Variants in SCN11A observed in about 807,000 individuals in gnomAD.
SCN11A encodes the protein sodium channel protein type 11 subunit alpha.
SCN11A carries 122 observed loss-of-function variants against 162.2 expected under a neutral mutation model. The ratio of observed to expected loss-of-function variants is 0.75; its 90% CI spans 0.65 to 0.87. The LOEUF is 0.87. Ranked by LOEUF, SCN11A falls within the 40% of genes least tolerant of loss-of-function variation. SCN11A has a pLI of 0.00. For missense variants in SCN11A, 2,015 were observed against 2,181.6 expected (o/e 0.92, Z 1.52); for synonymous variants, 758 against 751.5 (o/e 1.01, Z -0.14).
At chr3:39,035,668 C>T (rs1244276574) in intron 1 of SCN11A, among the ~76,000 whole-genome samples, 2 of 151,688 alleles carry the variant, frequency 1.3e-5, no homozygotes, top group Non-Finnish European at 2.9e-5. Flanking sequence ...TAGATGGAGT[C>T]TCGCTCTGTT....
chr3:39,027,840 T>C lies in SCN11A; in HGVS notation c.-280+4540A>G, dbSNP rs542802782. 5.9e-5 allele frequency among the ~76,000 whole-genome samples: 9 copies of C among 152,326 alleles called. No individual in the cohort carries two copies. The South Asian group carries it at 1.9e-3, about 32-fold the overall frequency. On this transcript the variant is annotated intron_variant, in intron 2 of 29. Transcript: ENST00000302328. ...TGGGCACTTCTGGGAGCCCCAGCTC[T>C]GTGACCCAGCTTCAAGTCTCCTGAA...
intron 19 of SCN11A, among the ~76,000 whole-genome samples, chr3:38,888,881 C>T (rs942034313): frequency 2.0e-5 from 3 of 152,136 alleles, no homozygotes; most frequent in Non-Finnish European, 4.4e-5. Context: ...ATAGGGCTCC[C>T]TCTACCCTAG....
At chr3:38,899,589 C>T (rs574114821) in intron 17 of SCN11A, among the ~76,000 whole-genome samples, 2 of 152,032 alleles carry the variant, frequency 1.3e-5, no homozygotes, top group Non-Finnish European at 2.9e-5. Context: ...AAAAGAGTGT[C>T]GGAAGGGTTG....
In SCN11A at chr3:38,894,399, C is replaced by T. The variant is rs527546017; in HGVS notation, c.2835+134G>A. The stretch of plus-strand genomic sequence containing the variant: ...TAAAGAACCTGTCCTGAGATGTGCA[C>T]ATGGGTATCAAAGGGCAGCCACGTT... On this transcript the variant is annotated intron_variant, in intron 19 of 29. Transcript: ENST00000302328. 2.3e-5 allele frequency: 17 copies of T among 724,634 alleles called. No individual in the cohort carries two copies. In the South Asian group the frequency reaches 2.9e-4, roughly 13 times the overall value. The allele number at this position is 724,634 out of a possible 1,614,324, so 44.9% of individuals were successfully genotyped here.
At chr3:38,951,069 A>G (rs2066606063) in intron 4 of SCN11A, among the ~76,000 whole-genome samples, 1 of 152,240 alleles carries the variant, frequency 6.6e-6, no homozygotes, top group South Asian at 2.1e-4. Flanking sequence ...GGAGCCCTTC[A>G]GCCCACCGCT....
chr3:38,875,059 C>G (rs1258003820), intron 23 of SCN11A, among the ~76,000 whole-genome samples: 1 of 152,146 alleles, frequency 6.6e-6, no homozygotes, highest in African/African-American at 2.4e-5. Context: ...TTTGCAACAT[C>G]TACCATATTA....
intron 2 of SCN11A, among the ~76,000 whole-genome samples, chr3:38,972,858 A>C (rs2066824689): frequency 6.6e-6 from 1 of 152,204 alleles, no homozygotes; most frequent in Non-Finnish European, 1.5e-5. Context: ...TTTATTAATA[A>C]TCCTGTGGCC....
chr3:38,951,636 G>C (rs963556167), intron 4 of SCN11A, among the ~76,000 whole-genome samples: 1 of 152,240 alleles, frequency 6.6e-6, no homozygotes, highest in Admixed American at 6.5e-5. Flanking sequence ...GGGACGTGGA[G>C]AGTCTTTATA....
At chr3:38,954,201 A>G (rs574998199) in intron 3 of SCN11A, among the ~76,000 whole-genome samples, 1 of 152,326 alleles carries the variant, frequency 6.6e-6, no homozygotes, top group East Asian at 1.9e-4. Flanking sequence ...AATTCCCCGC[A>G]CTATTTCAAT....
rs148175172 is a variant in SCN11A at position 38,970,300 on chromosome 3, C to T, written c.-279-9877G>A. 5.6e-3 allele frequency among the ~76,000 whole-genome samples: 852 copies of T among 152,282 alleles called. 33 individuals carry two copies. Among genetic ancestry groups the T allele is most frequent in the Admixed American group, 0.046 (701 of 15,302 alleles). ...TTTCCAATCTTAAAGATGCCACCCC[C>T]TGTAATTTTTTGCATGCATGCCCTT... On this transcript the variant is annotated intron_variant, in intron 2 of 29. Coordinates refer to ENST00000302328, the MANE Select transcript of SCN11A (RefSeq NM_001349253.2).
chr3:38,956,709 A>G (rs1344546926), intron 3 of SCN11A, among the ~76,000 whole-genome samples: 1 of 152,192 alleles, frequency 6.6e-6, no homozygotes, highest in African/African-American at 2.4e-5. Flanking sequence ...AATTTTCACA[A>G]TCATCCTAAA....
rs2065438114 is a variant in SCN11A at position 38,888,419 on chromosome 3, T to G, written c.2836-2181A>C. On this transcript the variant is annotated intron_variant, in intron 19 of 29. Transcript: ENST00000302328. ...GAATGACAGATCTTCCCACTAAAGA[T>G]GAGCTTTTAAGCTAACATTCCAAAA... 2.0e-5 allele frequency among the ~76,000 whole-genome samples: 3 copies of G among 152,332 alleles called. No individual in the cohort carries two copies. The South Asian group carries it at 6.2e-4, about 32-fold the overall frequency.
chr3:38,943,245 T>A (rs1035253889), intron 7 of SCN11A, among the ~76,000 whole-genome samples: 10 of 152,176 alleles, frequency 6.6e-5, no homozygotes, highest in African/African-American at 2.4e-4. Context: ...ATATGAAATG[T>A]ATACGAAATT....
At position 38,985,674 on chromosome 3, in the gene SCN11A, A is replaced by C. The variant is rs555047036; in HGVS notation, c.-279-25251T>G. ...GGCTGAGTCTTGGATTTTGGACTGA[A>C]CAACAGCATAAATGCATTTGCCATT... is the stretch of plus-strand genomic sequence containing the variant. On this transcript the variant is annotated intron_variant, in intron 2 of 29. Coordinates refer to ENST00000302328, the MANE Select transcript of SCN11A (RefSeq NM_001349253.2). Among the ~76,000 whole-genome samples, 87 of 151,166 alleles carry C rather than the reference A, an allele frequency of 5.8e-4. 7 individuals carry two copies. Among genetic ancestry groups the C allele is most frequent in the African/African-American group, 1.9e-3 (78 of 40,482 alleles).
intron 14 of SCN11A, 71 bp from the exon 15 acceptor site, chr3:38,905,392 T>C: frequency 6.5e-7 from 1 of 1,540,364 alleles, no homozygotes; most frequent in Non-Finnish European, 8.8e-7. Flanking sequence ...CAAACTACTT[T>C]GTTCCAATGC....
intron 29 of SCN11A, among the ~76,000 whole-genome samples, chr3:38,848,592 G>A (rs1048927854): frequency 1.3e-5 from 2 of 152,172 alleles, no homozygotes; most frequent in African/African-American, 4.8e-5. Flanking sequence ...TAATTGGAAA[G>A]TCAACCCTGG....
intron 5 of SCN11A, among the ~76,000 whole-genome samples, chr3:38,947,844 A>G (rs980218239): frequency 1.3e-5 from 2 of 152,222 alleles, no homozygotes; most frequent in Non-Finnish European, 2.9e-5. Context: ...AAGCCTTCAG[A>G]AAGTAAGAGT....
Position 38,911,231 on chromosome 3 carries a change from T to G in SCN11A, c.960-1024A>C, listed in dbSNP as rs1206550560. Among the ~76,000 whole-genome samples the G allele has an allele frequency of 6.6e-5, 10 of 152,302 alleles. No homozygotes were observed. In the East Asian group the frequency reaches 1.9e-3, roughly 29 times the overall value. On this transcript the variant is annotated intron_variant, in intron 11 of 29. Coordinates refer to ENST00000302328, the MANE Select transcript of SCN11A (RefSeq NM_001349253.2). ...TTGTCAATTAGCTTCTTAAGAAGAT[T>G]GTGTAATCTTTGCATATATGAATAT...
intron 2 of SCN11A, among the ~76,000 whole-genome samples, chr3:39,006,139 G>A (rs1451950120): frequency 1.3e-5 from 2 of 152,078 alleles, no homozygotes; most frequent in Non-Finnish European, 2.9e-5. Context: ...TCCTTATTAT[G>A]TAATACATGT....
Sources: gnomAD v4.1 joint callset for allele counts (sites outside exome capture counted in the v4.1 genomes callset) on GRCh38, gnomAD v4.1.1 for gene constraint, MANE v1.5 for transcripts, NCBI Gene and HGNC (gene_info 2026-07-23, HGNC 2026-07-21) for gene names.